PAM: variants seen among roughly 807,000 people sequenced by gnomAD.
PAM encodes peptidylglycine alpha-amidating monooxygenase, also known as peptidyl-glycine alpha-amidating monooxygenase.
PAM carries 72 observed loss-of-function variants against 122.1 expected under a neutral mutation model. The ratio of observed to expected loss-of-function variants is 0.59; its 90% CI spans 0.49 to 0.72. The LOEUF (loss-of-function observed/expected upper bound fraction) is 0.72, where lower values mean the gene tolerates loss of function less well. Ranked by LOEUF, PAM falls within the 30% of genes least tolerant of loss-of-function variation. The pLI is 0.00. For synonymous variants in PAM, 389 were observed against 404.4 expected (o/e 0.96, Z 0.46); for missense variants, 1,106 against 1,183.7 (o/e 0.93, Z 0.96).
At position 103,019,787 on chromosome 5, in the gene PAM, C is replaced by A; in HGVS notation, c.2432-3C>A. On this transcript the variant is annotated splice_polypyrimidine_tract_variant and splice_region_variant and intron_variant, in intron 22 of 25. Transcript: ENST00000438793. The stretch of plus-strand genomic sequence containing the variant: ...TTTCTCTCTCCTTGTTGTGTTGTTA[C>A]AGAATTGGAACATCGATCAGTTAAA... 1 of 1,597,520 alleles carries A rather than the reference C, an allele frequency of 6.3e-7. No homozygotes were observed. The highest frequency in any genetic ancestry group is 8.6e-7 in the Non-Finnish European group (1 of 1,165,194).
intron 9 of PAM, 40 bp from the exon 10 acceptor site, chr5:102,949,497 G>A: frequency 1.0e-6 from 1 of 962,110 alleles, no homozygotes; most frequent in Non-Finnish European, 1.7e-6. Flanking sequence ...TCATTTTCCA[G>A]TTGAATAGTG....
In PAM at chr5:102,830,699, C is replaced by T. The variant is rs186242490; in HGVS notation, c.-373-35124C>T. Among the ~76,000 whole-genome samples, 233 of 152,226 alleles carry T rather than the reference C, an allele frequency of 1.5e-3. 1 individual carries two copies. Among genetic ancestry groups the T allele is most frequent in the East Asian group, 1.9e-4 (1 of 5,168 alleles). On this transcript the variant is annotated intron_variant, in intron 1 of 25. Transcript: ENST00000438793. ...AACACCCTAACATGTGATTTAACAC[C>T]ATCAAGTCCCCAAGTTGCCAAGAAT... is the stretch of plus-strand genomic sequence containing the variant.
intron 1 of PAM, among the ~76,000 whole-genome samples, chr5:102,825,683 C>T (rs1203157534): frequency 1.3e-5 from 2 of 151,942 alleles, no homozygotes; most frequent in Non-Finnish European, 2.9e-5. Context: ...AGATTCTATC[C>T]GTACAAAAAT....
chr5:102,765,562 T>TC (rs1329590907), intron 1 of PAM, among the ~76,000 whole-genome samples: 3 of 152,192 alleles, frequency 2.0e-5, no homozygotes, highest in Non-Finnish European at 4.4e-5. Context: ...TGGGCCGACT[T>TC]CATCTACAAC....
chr5:102,793,930 A>C (rs1316083684), intron 1 of PAM, among the ~76,000 whole-genome samples: 1 of 152,190 alleles, frequency 6.6e-6, no homozygotes, highest in East Asian at 1.9e-4. Context: ...TTGGTTTAAC[A>C]AATTAAATGC....
chr5:102,894,593 TTAG>T (rs1220714202), intron 3 of PAM, among the ~76,000 whole-genome samples: 1 of 151,696 alleles, frequency 6.6e-6, no homozygotes, highest in East Asian at 1.9e-4. Context: ...ATTTACATCT[TTAG>T]GCCAAGCCTC....
At chr5:102,819,302 A>C (rs1770924987) in intron 1 of PAM, among the ~76,000 whole-genome samples, 1 of 152,150 alleles carries the variant, frequency 6.6e-6, no homozygotes, top group South Asian at 2.1e-4. Context: ...GAACAACAAC[A>C]ATGAAACAAC....
rs191887568 is a variant in PAM, at chr5:102,951,706, T to C, written c.905+886T>C. Among the ~76,000 whole-genome samples, 1,336 of 152,218 alleles carry C rather than the reference T, an allele frequency of 8.8e-3. 6 individuals carry two copies. The highest frequency in any genetic ancestry group is 0.014 in the Middle Eastern group (4 of 294). On this transcript the variant is annotated intron_variant, in intron 12 of 25. Coordinates refer to ENST00000438793, the MANE Select transcript of PAM (RefSeq NM_001177306.2). ...AAAAGGAAAGCAGGAGCATTTGATA[T>C]AGTGTAAAAGAATTTTTATGTCACT...
intron 1 of PAM, among the ~76,000 whole-genome samples, chr5:102,825,605 T>C (rs1346995304): frequency 6.6e-6 from 1 of 152,194 alleles, no homozygotes; most frequent in Non-Finnish European, 1.5e-5. Flanking sequence ...GGAACCTCTT[T>C]GATCCTCAGT....
rs1333488885 is a variant in PAM, at chr5:102,961,165, A to C, written c.1098A>C (p.Glu366Asp). The change falls in exon 14 of 26, where the codon GAA becomes GAC. Residue 366 changes from glutamate to aspartate, a missense_variant. Glu to Asp is a conservative substitution (Grantham distance 45). Coordinates refer to ENST00000438793, the MANE Select transcript of PAM (RefSeq NM_001177306.2). ...TTCTTTGATCCTTTACAGAAACAGA[A>C]TATAAAGATAAGATTCCTTTACTAC... is the stretch of plus-strand genomic sequence containing the variant. ...VMMHEHHKETEYKDKIPLLQQ... is the reference protein window; with the variant it reads ...VMMHEHHKETDYKDKIPLLQQ... 6.5e-6 allele frequency: 10 copies of C among 1,545,828 alleles called. No homozygotes were observed. Among genetic ancestry groups the C allele is most frequent in the African/African-American group, 1.4e-5 (1 of 73,470 alleles).
intron 5 of PAM, among the ~76,000 whole-genome samples, chr5:102,920,252 C>T: frequency 6.6e-6 from 1 of 151,940 alleles, no homozygotes; most frequent in Non-Finnish European, 1.5e-5. Context: ...TAGTGTCTGG[C>T]ATGTAGAAGG....
At chr5:102,950,905 T>C (rs1269476282) in intron 12 of PAM, 85 bp downstream of exon 12, 26 of 814,044 alleles carry the variant, frequency 3.2e-5, no homozygotes, top group African/African-American at 1.7e-5. Context: ...TGTGAATAAA[T>C]TGTACATTTT....
chr5:102,774,560 T>C (rs1161570538), intron 1 of PAM, among the ~76,000 whole-genome samples: 1 of 152,110 alleles, frequency 6.6e-6, no homozygotes, highest in African/African-American at 2.4e-5. Flanking sequence ...AAGCCATGTA[T>C]GATACAGGGT....
intron 12 of PAM, among the ~76,000 whole-genome samples, chr5:102,955,420 A>G (rs1760400875): frequency 6.6e-6 from 1 of 152,084 alleles, no homozygotes; most frequent in African/African-American, 2.4e-5. Context: ...ATTCAGTAGT[A>G]TAATATACTA....
chr5:102,858,549 T>G (rs190854689), intron 1 of PAM, among the ~76,000 whole-genome samples: 1 of 152,380 alleles, frequency 6.6e-6, no homozygotes, highest in East Asian at 1.9e-4. Flanking sequence ...TAGTTTGTAA[T>G]GTTCTTGCTA....
rs867007745 is a variant in PAM, at chr5:102,942,823, G to A, written c.527-4014G>A. Among the ~76,000 whole-genome samples, 18 of 149,946 alleles carry A rather than the reference G, an allele frequency of 1.2e-4. No homozygotes were observed. The South Asian group carries it at 3.6e-3, about 30-fold the overall frequency. On this transcript the variant is annotated intron_variant, in intron 7 of 25. Coordinates refer to ENST00000438793, the MANE Select transcript of PAM (RefSeq NM_001177306.2). ...TGGGGTCAAGTGATTCACCTGCCTC[G>A]GCCTTCCAAAGTGCTGGGATTATGG...
At chr5:102,813,221 C>A (rs1191749130) in intron 1 of PAM, among the ~76,000 whole-genome samples, 1 of 152,112 alleles carries the variant, frequency 6.6e-6, no homozygotes, top group Non-Finnish European at 1.5e-5. Flanking sequence ...TGAGAGAAAT[C>A]AGAGATAAAG....
At chr5:102,758,173 T>G (rs1412750325) in intron 1 of PAM, among the ~76,000 whole-genome samples, 2 of 147,318 alleles carry the variant, frequency 1.4e-5, no homozygotes, top group Non-Finnish European at 3.0e-5. Context: ...TGACTTTCTG[T>G]CTAGGTTGTA....
chr5:102,975,957 T>C (rs1485273761), intron 15 of PAM, among the ~76,000 whole-genome samples: 1 of 152,190 alleles, frequency 6.6e-6, no homozygotes, highest in Non-Finnish European at 1.5e-5. Flanking sequence ...TTTCTGAAAC[T>C]TACTCAGTTT....
Sources: allele counts gnomAD v4.1 joint callset (sites outside exome capture counted in the v4.1 genomes callset), GRCh38; gene constraint gnomAD v4.1.1; transcripts MANE v1.5; gene names NCBI Gene and HGNC (gene_info 2026-07-23, HGNC 2026-07-21).